ANKRD46: variants seen among roughly 807,000 people sequenced by gnomAD.
ANKRD46 encodes ankyrin repeat domain-containing protein 46.
Under a neutral mutation model 19.8 loss-of-function variants are expected in ANKRD46, and 13 were observed. The ratio of observed to expected loss-of-function variants is 0.66; its 90% CI spans 0.43 to 1.04. ANKRD46 has a LOEUF of 1.04. Among genes scored for constraint, ANKRD46 ranks in the 50% least tolerant of loss-of-function variants. The probability of loss-of-function intolerance (pLI) is 0.00; values close to 1 mark genes in which losing one functional copy is unlikely to be tolerated. For missense variants in ANKRD46, 185 were observed against 274.8 expected, an observed-to-expected ratio of 0.67 and a Z score of 2.31; for synonymous variants, 91 against 106.9, an observed-to-expected ratio of 0.85 and a Z score of 0.92.
chr8:100,512,620 C>T (rs1423281348), intron 5 of ANKRD46, among the ~76,000 whole-genome samples: 4 of 152,128 alleles, frequency 2.6e-5, no homozygotes, highest in Non-Finnish European at 5.9e-5. Context: ...CATGACAGAA[C>T]CGTTTCATGC....
At chr8:100,539,872 G>T (rs1238078661) in intron 1 of ANKRD46, among the ~76,000 whole-genome samples, 1 of 152,098 alleles carries the variant, frequency 6.6e-6, no homozygotes. Context: ...AACAATGCAA[G>T]ACCCTGTCTG....
intron 2 of ANKRD46, among the ~76,000 whole-genome samples, chr8:100,531,799 C>T (rs1425673910): frequency 6.6e-6 from 1 of 152,094 alleles, no homozygotes; most frequent in Non-Finnish European, 1.5e-5. Flanking sequence ...TCAATGAGTC[C>T]AGCCCACTGA....
chr8:100,552,507 C>T (rs183899777), intron 1 of ANKRD46, among the ~76,000 whole-genome samples: 18 of 152,210 alleles, frequency 1.2e-4, no homozygotes, highest in Admixed American at 9.8e-4. Flanking sequence ...GACTCCATTC[C>T]TACCTGTTCC....
chr8:100,510,563 C>T lies in ANKRD46; in HGVS notation c.*14G>A, dbSNP rs1433985429. 1 of 1,534,478 alleles carries T rather than the reference C, an allele frequency of 6.5e-7. No individual in the cohort carries two copies. ...CCTTCTGAGGCTCAGGAGCACAGGA[C>T]ACTGACCTAGAGATTAGATGGCCTG... On this transcript the variant is annotated 3_prime_UTR_variant, in exon 6 of 6. Coordinates refer to the ANKRD46 transcript ENST00000520552. This position sits in a 1 kb window ranked among gnomAD's most constrained non-coding sequence, Gnocchi z 4.9.
At position 100,522,467 on chromosome 8, in the gene ANKRD46, T is replaced by C; in HGVS notation, c.*88A>G. ...AAGAACATGTACTGCCCTCACTGCT[T>C]TGCGCTAAGAAAAATTCTGAGAAAC... is the stretch of plus-strand genomic sequence containing the variant. On this transcript the variant is annotated 3_prime_UTR_variant, in exon 5 of 5. Coordinates refer to ENST00000335659, the MANE Select transcript of ANKRD46 (RefSeq NM_001270377.2). The C allele has an allele frequency of 6.5e-7, 1 of 1,548,382 alleles. No individual in the cohort carries two copies.
intron 3 of ANKRD46, 32 bp from the exon 4 acceptor site, chr8:100,528,035 AAAAT>A (rs774580096): frequency 2.0e-6 from 3 of 1,504,624 alleles, no homozygotes; most frequent in Non-Finnish European, 2.6e-6. Context: ...AAAGTTTATA[AAAAT>A]AAAGAAGCCA....
intron 2 of ANKRD46, among the ~76,000 whole-genome samples, chr8:100,530,719 G>T (rs1811943934): frequency 6.6e-6 from 1 of 152,164 alleles, no homozygotes; most frequent in Non-Finnish European, 1.5e-5. Context: ...GCTAAGGAAT[G>T]TAACAAACTG....
rs146030991 is a variant in ANKRD46 at position 100,558,396 on chromosome 8, TA to T, written c.-131+1314del. On this transcript the variant is annotated intron_variant, in intron 1 of 4. Transcript: ENST00000335659. ...TAATGCAAAGGCAAAGTGAACTCAC[TA>T]AAAAATGGTATGGAAACATAAATAA... is the stretch of plus-strand genomic sequence containing the variant. 7.6e-3 allele frequency among the ~76,000 whole-genome samples: 1,155 copies of T among 152,256 alleles called. 18 individuals carry two copies. Among genetic ancestry groups the T allele is most frequent in the African/African-American group, 0.026 (1,071 of 41,542 alleles).
At chr8:100,551,430 C>A in intron 1 of ANKRD46, 1 of 642,642 alleles carries the variant, frequency 1.6e-6, no homozygotes. Flanking sequence ...GTGGACTCCA[C>A]GGCATACTCA....
At chr8:100,515,721 C>T (rs1811620168) in intron 5 of ANKRD46, among the ~76,000 whole-genome samples, 1 of 151,826 alleles carries the variant, frequency 6.6e-6, no homozygotes, top group South Asian at 2.1e-4. Flanking sequence ...GGAAGAACAA[C>T]AGACTGTATC....
At chr8:100,512,212 G>A (rs1365466370) in intron 5 of ANKRD46, among the ~76,000 whole-genome samples, 2 of 152,204 alleles carry the variant, frequency 1.3e-5, no homozygotes, top group Non-Finnish European at 2.9e-5. Flanking sequence ...ATCATTTCGA[G>A]GGTGGGGAGC....
At position 100,557,495 on chromosome 8, in the gene ANKRD46, A is replaced by T. The variant is rs73272324; in HGVS notation, c.-131+2216T>A. Among the ~76,000 whole-genome samples the T allele has an allele frequency of 0.094, 14,247 of 151,426 alleles. 730 individuals carry two copies. The highest frequency in any genetic ancestry group is 0.12 in the Middle Eastern group (35 of 294). Reference sequence around the variant, plus strand: ...TCTCCCTGCTTCCATCCTTGCCCTTACAGTCAACACTGAACACAGCAGCCA... The same window carrying T: ...TCTCCCTGCTTCCATCCTTGCCCTTTCAGTCAACACTGAACACAGCAGCCA... On this transcript the variant is annotated intron_variant, in intron 1 of 4. Coordinates refer to ENST00000335659, the MANE Select transcript of ANKRD46 (RefSeq NM_001270377.2). The surrounding 1 kb of genome is among the most constrained non-coding windows in gnomAD (Gnocchi z 5.9).
At chr8:100,531,437 C>T (rs1811960491) in intron 2 of ANKRD46, among the ~76,000 whole-genome samples, 1 of 152,146 alleles carries the variant, frequency 6.6e-6, no homozygotes, top group Non-Finnish European at 1.5e-5. Flanking sequence ...TCAGCAGAGC[C>T]ATTGTCCCAA....
At chr8:100,556,716 A>C (rs551953533) in intron 1 of ANKRD46, 3 of 152,170 alleles carry the variant, frequency 2.0e-5, no homozygotes, top group African/African-American at 4.8e-5. Context: ...ACTAAATCCA[A>C]TGGTCATCTC....
chr8:100,529,303 C>T lies in ANKRD46; in HGVS notation c.311+220G>A, dbSNP rs564035461. On this transcript the variant is annotated intron_variant, in intron 3 of 4. Transcript: ENST00000335659. The surrounding 1 kb of genome is among the most constrained non-coding windows in gnomAD (Gnocchi z 5.8). ...CTACATAATTAGTAGCAGAAACTACCTACTATTTTCATAGAAAAAAATATG... is the reference window on the plus strand; with the variant it reads ...CTACATAATTAGTAGCAGAAACTACTTACTATTTTCATAGAAAAAAATATG... 8.5e-5 allele frequency among the ~76,000 whole-genome samples: 13 copies of T among 152,342 alleles called. No homozygotes were observed. Among genetic ancestry groups the T allele is most frequent in the Non-Finnish European group, 1.9e-4 (13 of 68,034 alleles).
At chr8:100,512,167 CTGAG>C (rs1811558858) in intron 5 of ANKRD46, among the ~76,000 whole-genome samples, 1 of 152,214 alleles carries the variant, frequency 6.6e-6, no homozygotes, top group Non-Finnish European at 1.5e-5. Flanking sequence ...AAACTGCATT[CTGAG>C]TAAGGTCAGG....
Position 100,550,957 on chromosome 8 carries a change from A to G in ANKRD46, c.-131+8754T>C, listed in dbSNP as rs2130703765. 7 of 592,650 alleles carry G rather than the reference A, an allele frequency of 1.2e-5. No individual in the cohort carries two copies. The highest frequency in any genetic ancestry group is 1.1e-4 in the South Asian group (7 of 65,344). 36.7% of individuals were successfully genotyped at this position (592,650 alleles called of 1,614,324 possible). A position where few individuals can be genotyped will look rare whatever the true frequency, so the allele number is the denominator to read the frequency against. ...GCTTCACCACCTTTTTGATGTCATCATATTTGGCAGGTTTCTCCAGATGGC... is the reference window on the plus strand; with the variant it reads ...GCTTCACCACCTTTTTGATGTCATCGTATTTGGCAGGTTTCTCCAGATGGC... On this transcript the variant is annotated intron_variant, in intron 1 of 4. Coordinates refer to ENST00000335659, the MANE Select transcript of ANKRD46 (RefSeq NM_001270377.2). The surrounding 1 kb of genome is among the most constrained non-coding windows in gnomAD (Gnocchi z 4.4).
At position 100,524,239 on chromosome 8, in the gene ANKRD46, C is replaced by T. The variant is rs991005554; in HGVS notation, c.471-1468G>A. Among the ~76,000 whole-genome samples, 2 of 152,122 alleles carry T rather than the reference C, an allele frequency of 1.3e-5. No individual in the cohort carries two copies. Among genetic ancestry groups the T allele is most frequent in the African/African-American group, 4.8e-5 (2 of 41,416 alleles). ...GAGGGTATCATTTAGATTAAAGCCA[C>T]CATAACCATGATCATAGGAATCAAC... On this transcript the variant is annotated intron_variant, in intron 4 of 4. Transcript: ENST00000335659. This position sits in a 1 kb window ranked among gnomAD's most constrained non-coding sequence, Gnocchi z 4.3.
chr8:100,542,282 A>G (rs1812189231), intron 1 of ANKRD46, among the ~76,000 whole-genome samples: 1 of 152,010 alleles, frequency 6.6e-6, no homozygotes, highest in African/African-American at 2.4e-5. Context: ...ATCCTACCTC[A>G]CTCACTCTGA....
Sources: gnomAD v4.1 joint callset for allele counts (sites outside exome capture counted in the v4.1 genomes callset) on GRCh38, gnomAD v4.1.1 for gene constraint, Gnocchi (gnomAD v3.1) non-coding constraint, MANE v1.5 for transcripts, NCBI Gene and HGNC (gene_info 2026-07-23, HGNC 2026-07-21) for gene names.